RAPGEF6: variants seen among roughly 807,000 people sequenced by gnomAD.
RAPGEF6 encodes the protein Rap guanine nucleotide exchange factor 6.
A neutral mutation model predicts 171.4 loss-of-function variants in RAPGEF6; 56 were observed. The observed-to-expected ratio is 0.33, with a 90% CI of 0.26 to 0.41. RAPGEF6 has a LOEUF of 0.41. RAPGEF6 is among the 10% of genes least tolerant of loss of function. RAPGEF6 has a pLI of 1.00. For missense variants in RAPGEF6, 1,674 were observed against 1,921.4 expected (o/e 0.87, Z 2.41); for synonymous variants, 692 against 650.1 (o/e 1.06, Z -0.98).
At chr5:131,442,205 A>C in intron 23 of RAPGEF6, 144 bp downstream of exon 23, 1 of 791,202 alleles carries the variant, frequency 1.3e-6, no homozygotes, top group Non-Finnish European at 1.9e-6. Flanking sequence ...AGGCAAAATG[A>C]AATCAACATT....
intron 4 of RAPGEF6, among the ~76,000 whole-genome samples, chr5:131,563,350 A>C (rs1441480904): frequency 1.3e-5 from 2 of 152,194 alleles, no homozygotes; most frequent in African/African-American, 4.8e-5. Flanking sequence ...CTAGAAACAA[A>C]GCTTAAAGTA....
At chr5:131,505,171 T>C (rs1165301343) in intron 10 of RAPGEF6, among the ~76,000 whole-genome samples, 193 bp downstream of exon 10, 3 of 152,102 alleles carry the variant, frequency 2.0e-5, no homozygotes, top group Non-Finnish European at 2.9e-5. Flanking sequence ...TGGTATAATC[T>C]CTTTTGAAAA....
rs536221144 is a variant in RAPGEF6 at position 131,487,186 on chromosome 5, G to T, written c.1840+2360C>A. On this transcript the variant is annotated intron_variant, in intron 15 of 27. Coordinates refer to ENST00000509018, the MANE Select transcript of RAPGEF6 (RefSeq NM_016340.6). ...GTTTCTTCCTTCCGGTGGGTTCATGGTCTTGCTGACTTCAAGAATGAAGCC... is the reference window on the plus strand; with the variant it reads ...GTTTCTTCCTTCCGGTGGGTTCATGTTCTTGCTGACTTCAAGAATGAAGCC... Among the ~76,000 whole-genome samples, 11 of 152,312 alleles carry T rather than the reference G, an allele frequency of 7.2e-5. No individual in the cohort carries two copies. The South Asian group carries it at 2.3e-3, about 32-fold the overall frequency.
At chr5:131,633,339 A>C (rs73266111) in intron 1 of RAPGEF6, among the ~76,000 whole-genome samples, 11,821 of 152,234 alleles carry the variant, frequency 0.078, 968 homozygotes, top group African/African-American at 0.21. Context: ...TGTCTCAAAA[A>C]AAATAAAATA....
intron 15 of RAPGEF6, 25 bp downstream of exon 15, chr5:131,489,521 A>G (rs751161683): frequency 9.2e-5 from 124 of 1,349,364 alleles, no homozygotes; most frequent in Admixed American, 1.9e-4. Context: ...GAAAGAGTTC[A>G]GGCAATTTTT....
chr5:131,483,988 CG>C (rs1755686373), intron 15 of RAPGEF6, among the ~76,000 whole-genome samples: 1 of 147,394 alleles, frequency 6.8e-6, no homozygotes, highest in Admixed American at 6.9e-5. Flanking sequence ...CCCAGCTACT[CG>C]GGAAGCTGAG....
intron 6 of RAPGEF6, among the ~76,000 whole-genome samples, chr5:131,544,430 A>G (rs957584137): frequency 2.6e-4 from 39 of 151,510 alleles, no homozygotes; most frequent in Non-Finnish European, 2.1e-4. Context: ...ATAATGTGTG[A>G]AAGAAGCCCA....
chr5:131,603,498 T>C (rs2150015289), intron 2 of RAPGEF6, among the ~76,000 whole-genome samples, 171 bp from the exon 3 acceptor site: 1 of 152,186 alleles, frequency 6.6e-6, no homozygotes, highest in Non-Finnish European at 1.5e-5. Flanking sequence ...ATTTTATATA[T>C]ATACATAATG....
rs1206264167 is a variant in RAPGEF6, at chr5:131,425,632, A to G, written c.*1634T>C. ...GAATTTTTGAAATGCTATTATTCCT[A>G]AAATAAAGAGACAATCATGTTGATG... On this transcript the variant is annotated 3_prime_UTR_variant, in exon 28 of 28. Coordinates refer to ENST00000509018, the MANE Select transcript of RAPGEF6 (RefSeq NM_016340.6). The G allele has an allele frequency of 1.3e-5, 2 of 152,362 alleles. No homozygotes were observed. The highest frequency in any genetic ancestry group is 2.9e-5 in the Non-Finnish European group (2 of 68,044). 9.4% of individuals were successfully genotyped at this position (152,362 alleles called of 1,614,324 possible).
chr5:131,555,718 A>G (rs1260864521), intron 5 of RAPGEF6, among the ~76,000 whole-genome samples: 1 of 150,488 alleles, frequency 6.6e-6, no homozygotes, highest in Admixed American at 6.7e-5. Flanking sequence ...TTGGATACTA[A>G]TATTTATATA....
intron 4 of RAPGEF6, among the ~76,000 whole-genome samples, chr5:131,568,703 T>G (rs1762096137): frequency 6.6e-6 from 1 of 152,148 alleles, no homozygotes; most frequent in Non-Finnish European, 1.5e-5. Context: ...CTCTCACCAC[T>G]TCCAATCTAC....
At chr5:131,452,067 A>C (rs1436583851) in intron 21 of RAPGEF6, among the ~76,000 whole-genome samples, 1 of 152,120 alleles carries the variant, frequency 6.6e-6, no homozygotes, top group Non-Finnish European at 1.5e-5. Flanking sequence ...AAAAATACAA[A>C]AAATTAGCCG....
intron 6 of RAPGEF6, among the ~76,000 whole-genome samples, chr5:131,533,615 T>C (rs867756068): frequency 2.0e-5 from 3 of 152,048 alleles, no homozygotes; most frequent in Non-Finnish European, 4.4e-5. Flanking sequence ...TGTAGGTAGA[T>C]AGTAAATTTA....
At chr5:131,457,300 A>G (rs191692830) in intron 19 of RAPGEF6, among the ~76,000 whole-genome samples, 1 of 152,298 alleles carries the variant, frequency 6.6e-6, no homozygotes, top group Non-Finnish European at 1.5e-5. Context: ...TGAATTCCTG[A>G]GCTCAAGTAA....
At chr5:131,521,356 C>A in intron 7 of RAPGEF6, 34 bp downstream of exon 7, 1 of 1,537,596 alleles carries the variant, frequency 6.5e-7, no homozygotes, top group Non-Finnish European at 8.7e-7. Context: ...ATAAAAAAAC[C>A]ATATACGCAG....
chr5:131,452,811 A>G (rs192044181), intron 21 of RAPGEF6, among the ~76,000 whole-genome samples: 1 of 152,224 alleles, frequency 6.6e-6, no homozygotes, highest in Admixed American at 6.5e-5. Context: ...CCACATACAA[A>G]TATTTGCAAA....
At chr5:131,534,588 G>A (rs1759626406) in intron 6 of RAPGEF6, among the ~76,000 whole-genome samples, 1 of 132,778 alleles carries the variant, frequency 7.5e-6, no homozygotes, top group South Asian at 2.5e-4. Flanking sequence ...ATACAGGTTG[G>A]TTTTCAAGCA....
intron 1 of RAPGEF6, among the ~76,000 whole-genome samples, chr5:131,606,650 G>GGTT (rs1336598838): frequency 6.6e-6 from 1 of 152,200 alleles, no homozygotes; most frequent in African/African-American, 2.4e-5. Flanking sequence ...AGTCTTGCCA[G>GGTT]TTACCCATCA....
Position 131,472,716 on chromosome 5 carries a change from C to G in RAPGEF6, c.2110G>C (p.Asp704His). The part of the protein sequence containing the change: ...SDGGLSQSQD[D>H]SIVGTRHCRH... Reference sequence around the variant, plus strand: ...CAGTGCCTTGTTCCCACAATGCTGTCATCTTGTGATTGGCTTAGGCCTCCA... The same window carrying G: ...CAGTGCCTTGTTCCCACAATGCTGTGATCTTGTGATTGGCTTAGGCCTCCA... Residue 704 changes from aspartate (D) to histidine (H), a missense_variant, in exon 17 of 28, where the codon GAC becomes CAC. Physicochemically the swap from Asp to His is moderately conservative, Grantham distance 81 (BLOSUM62 -1). Transcript: ENST00000509018. The G allele has an allele frequency of 6.2e-7, 1 of 1,612,354 alleles. No homozygotes were observed. Among genetic ancestry groups the G allele is most frequent in the South Asian group, 1.1e-5 (1 of 91,020 alleles).
Sources: allele counts gnomAD v4.1 joint callset (sites outside exome capture counted in the v4.1 genomes callset), GRCh38; gene constraint gnomAD v4.1.1; transcripts MANE v1.5; gene names NCBI Gene and HGNC (gene_info 2026-07-23, HGNC 2026-07-21).